The following TCF4 variants were observed in gnomAD, a reference collection of about 807,000 sequenced individuals.
The protein encoded by TCF4 is transcription factor 4.
TCF4 carries 3 observed loss-of-function variants against 82.1 expected under a neutral mutation model. The observed-to-expected ratio is 0.04, with a 90% CI of 0.02 to 0.09. The LOEUF is 0.09. Among genes scored for constraint, TCF4 ranks in the 10% least tolerant of loss-of-function variants. The pLI is 1.00. For missense variants in TCF4, 518 were observed against 852.7 expected (o/e 0.61, Z 4.89); for synonymous variants, 276 against 309.6 (o/e 0.89, Z 1.14).
chr18:55,459,892 C>T (rs1162767953), intron 5 of TCF4, among the ~76,000 whole-genome samples: 5 of 152,066 alleles, frequency 3.3e-5, no homozygotes, highest in African/African-American at 4.8e-5. Flanking sequence ...CTCAAAGGCA[C>T]GAACATATGA....
chr18:55,541,836 G>C (rs2097167503), intron 3 of TCF4, among the ~76,000 whole-genome samples: 1 of 151,928 alleles, frequency 6.6e-6, no homozygotes, highest in African/African-American at 2.4e-5. Flanking sequence ...CAAAGGAAGG[G>C]AGAATACGAC....
chr18:55,465,997 C>T (rs2144976565), intron 3 of TCF4, among the ~76,000 whole-genome samples: 1 of 152,186 alleles, frequency 6.6e-6, no homozygotes, highest in African/African-American at 2.4e-5. Flanking sequence ...GGATTTTAAA[C>T]ATGAAAAGTA....
chr18:55,550,710 AG>A (rs1167937635), intron 3 of TCF4: 1 of 152,204 alleles, frequency 6.6e-6, no homozygotes, highest in East Asian at 1.9e-4. Flanking sequence ...TGTGGAGAAA[AG>A]AATGTCCTCC....
chr18:55,263,407 T>C (rs2058455110), intron 11 of TCF4, among the ~76,000 whole-genome samples: 1 of 152,048 alleles, frequency 6.6e-6, no homozygotes, highest in Non-Finnish European at 1.5e-5. Context: ...ATACAACAAA[T>C]TATATCTAGT....
intron 5 of TCF4, among the ~76,000 whole-genome samples, chr18:55,433,821 G>C (rs552669722): frequency 6.6e-6 from 1 of 152,028 alleles, no homozygotes; most frequent in Non-Finnish European, 1.5e-5. Flanking sequence ...TTGGTTTTAT[G>C]AGCTCTTCTC....
At chr18:55,466,342 T>G (rs1037163474) in intron 3 of TCF4, among the ~76,000 whole-genome samples, 2 of 152,026 alleles carry the variant, frequency 1.3e-5, no homozygotes, top group Non-Finnish European at 2.9e-5. Flanking sequence ...CAAAAATTTT[T>G]AAAATTAGCC....
intron 8 of TCF4, chr18:55,320,782 A>AT (rs2075293882): frequency 6.6e-6 from 1 of 152,358 alleles, no homozygotes; most frequent in Non-Finnish European, 1.5e-5. Context: ...AAAACAATAA[A>AT]TTTTTGCTCC....
chr18:55,381,601 G>A, intron 6 of TCF4, among the ~76,000 whole-genome samples: 1 of 152,342 alleles, frequency 6.6e-6, no homozygotes, highest in African/African-American at 2.4e-5. Context: ...TTTAAGTGTA[G>A]TAGGCAGAAG....
At chr18:55,319,930 T>A (rs76641465) in intron 8 of TCF4, among the ~76,000 whole-genome samples, 8,180 of 152,242 alleles carry the variant, frequency 0.054, 282 homozygotes, top group African/African-American at 0.096. Context: ...TCATTGGTAA[T>A]CCTGAAAGAT....
intron 5 of TCF4, among the ~76,000 whole-genome samples, chr18:55,454,773 A>G (rs1208728297): frequency 6.6e-6 from 1 of 152,216 alleles, no homozygotes; most frequent in African/African-American, 2.4e-5. Context: ...AGATCAATGG[A>G]CCATTAGATA....
intron 3 of TCF4, among the ~76,000 whole-genome samples, chr18:55,547,394 G>GAACC (rs1383334636): frequency 6.6e-6 from 1 of 152,136 alleles, no homozygotes; most frequent in African/African-American, 2.4e-5. Flanking sequence ...ACATTCTGAT[G>GAACC]GGTTAGATGG....
At chr18:55,609,252 A>G (rs1027813896) in intron 2 of TCF4, among the ~76,000 whole-genome samples, 3 of 152,196 alleles carry the variant, frequency 2.0e-5, no homozygotes, top group Admixed American at 2.0e-4. Flanking sequence ...TGTGCTAAGT[A>G]TGAACTAAAT....
upstream of TCF4, chr18:55,589,247 AT>A (rs542109257): frequency 1.2e-4 from 126 of 1,046,814 alleles, 2 homozygotes; most frequent in East Asian, 6.8e-3. Flanking sequence ...CATTTTAAAA[AT>A]TAAATTCAAT....
intron 2 of TCF4, chr18:55,585,647 G>T: frequency 1.5e-6 from 1 of 646,434 alleles, no homozygotes; most frequent in Non-Finnish European, 2.2e-6. Context: ...ATTCAGGTTG[G>T]AGGCCAGCAG....
At position 55,227,942 on chromosome 18, in the gene TCF4, T is replaced by G; in HGVS notation, c.*93A>C. 1 of 378,388 alleles carries G rather than the reference T, an allele frequency of 2.6e-6. No homozygotes were observed. Among genetic ancestry groups the G allele is most frequent in the Non-Finnish European group, 4.9e-6 (1 of 203,360 alleles). 23.4% of individuals were successfully genotyped at this position (378,388 alleles called of 1,614,324 possible). On this transcript the variant is annotated 3_prime_UTR_variant, in exon 20 of 20. Coordinates refer to ENST00000354452, the MANE Select transcript of TCF4 (RefSeq NM_001083962.2). ...TTGTCTTATATTACAAAAATGGGGG[T>G]TAAGGAGAAGTGTTTATGTGGGTTT...
intron 2 of TCF4, among the ~76,000 whole-genome samples, chr18:55,601,555 G>A (rs1243175399): frequency 3.3e-5 from 5 of 151,868 alleles, no homozygotes; most frequent in Admixed American, 1.3e-4. Flanking sequence ...AGGCCAAGGC[G>A]GGCAGATCAC....
At chr18:55,297,690 G>A (rs1027179810) in intron 8 of TCF4, among the ~76,000 whole-genome samples, 2 of 151,654 alleles carry the variant, frequency 1.3e-5, no homozygotes, top group East Asian at 3.9e-4. Flanking sequence ...GGTTGTTTGC[G>A]TGCATTACAA....
intron 3 of TCF4, among the ~76,000 whole-genome samples, chr18:55,469,283 G>C (rs1397499908): frequency 1.3e-5 from 2 of 152,064 alleles, no homozygotes; most frequent in African/African-American, 4.8e-5. Flanking sequence ...GGCCAAAATG[G>C]TGAGACCCCA....
intron 5 of TCF4, chr18:55,422,639 T>C (rs2094816698): frequency 7.3e-6 from 2 of 273,344 alleles, no homozygotes; most frequent in African/African-American, 2.3e-5. Context: ...TGTTTTTTTC[T>C]TCCCTGAAAA....
Sources: gnomAD v4.1 joint callset for allele counts (sites outside exome capture counted in the v4.1 genomes callset) on GRCh38, gnomAD v4.1.1 for gene constraint, MANE v1.5 for transcripts, NCBI Gene and HGNC (gene_info 2026-07-23, HGNC 2026-07-21) for gene names.